C6: variants seen among roughly 807,000 people sequenced by gnomAD.
The protein encoded by C6 is complement component C6.
In C6, 101 loss-of-function variants were observed where a neutral mutation model predicts 112.9. The ratio of observed to expected loss-of-function variants is 0.89; its 90% CI spans 0.76 to 1.06. The LOEUF is 1.06. C6 is among the 50% of genes least tolerant of loss of function. The pLI, the probability that C6 is intolerant of heterozygous loss-of-function variation, is 0.00. For missense variants in C6, 1,202 were observed against 1,104.6 expected, an observed-to-expected ratio of 1.09 and a Z score of -1.25; for synonymous variants, 431 against 384.1, an observed-to-expected ratio of 1.12 and a Z score of -1.43.
chr5:41,245,481 A>AT (rs1347869390), intron 1 of C6, among the ~76,000 whole-genome samples: 2 of 145,048 alleles, frequency 1.4e-5, no homozygotes, highest in African/African-American at 5.2e-5. Flanking sequence ...AGATAGCACC[A>AT]TTGCACTCCA....
At chr5:41,155,703 T>C (rs2150249708) in intron 13 of C6, among the ~76,000 whole-genome samples, 1 of 151,686 alleles carries the variant, frequency 6.6e-6, no homozygotes, top group Non-Finnish European at 1.5e-5. Context: ...TACTTCAGCG[T>C]GGGCAACAGA....
At position 41,176,569 on chromosome 5, in the gene C6, G is replaced by T. The variant is rs1325518197; in HGVS notation, c.1074C>A (p.Phe358Leu). The T allele has an allele frequency of 6.2e-7, 1 of 1,613,868 alleles. No homozygotes were observed. Among genetic ancestry groups the T allele is most frequent in the Non-Finnish European group, 8.5e-7 (1 of 1,179,872 alleles). ...TGAAGTAATGAGTCCCAAAGTCATC[G>T]AATATTCGGCTGTACAAAGCAGAGT... Reference protein sequence around the residue: ...EYNSALYSRIFDDFGTHYFTS... With the variant: ...EYNSALYSRILDDFGTHYFTS... The change falls in exon 8 of 18, where the codon TTC (phenylalanine) becomes TTA (leucine). Residue 358 changes from phenylalanine (F) to leucine (L), a missense_variant. Phe to Leu is a conservative substitution (Grantham distance 22, BLOSUM62 0). Coordinates refer to ENST00000337836, the MANE Select transcript of C6 (RefSeq NM_000065.5).
chr5:41,195,281 G>A (rs571386248), intron 5 of C6, among the ~76,000 whole-genome samples: 14 of 151,736 alleles, frequency 9.2e-5, no homozygotes, highest in South Asian at 2.1e-4. Context: ...TGGCTTTATC[G>A]CTCATTATTT....
chr5:41,205,765 C>A (rs1561169484), intron 1 of C6, among the ~76,000 whole-genome samples: 1 of 152,318 alleles, frequency 6.6e-6, no homozygotes, highest in East Asian at 1.9e-4. Context: ...AGGAGGCCTG[C>A]CTGCCTCTGT....
intron 3 of C6, among the ~76,000 whole-genome samples, chr5:41,200,654 C>G (rs980334980): frequency 6.6e-6 from 1 of 152,140 alleles, no homozygotes; most frequent in Admixed American, 6.6e-5. Context: ...TTCTTCCCTG[C>G]TGTGTAAATG....
intron 17 of C6, among the ~76,000 whole-genome samples, chr5:41,145,513 G>C (rs139974506): frequency 6.6e-6 from 1 of 152,180 alleles, no homozygotes; most frequent in African/African-American, 2.4e-5. Flanking sequence ...CTGAGTCAGC[G>C]TGAGTATTAG....
chr5:41,199,626 G>T, intron 4 of C6, 142 bp downstream of exon 4: 1 of 850,974 alleles, frequency 1.2e-6, no homozygotes, highest in Non-Finnish European at 2.0e-6. Flanking sequence ...TTGGGAATTG[G>T]CAGCATAACA....
chr5:41,185,665 C>CT (rs776238471), intron 6 of C6, among the ~76,000 whole-genome samples: 1 of 151,906 alleles, frequency 6.6e-6, no homozygotes, highest in Non-Finnish European at 1.5e-5. Flanking sequence ...GAGCCTGGCA[C>CT]TTTAAAAAAA....
chr5:41,247,278 T>A (rs879256694), intron 1 of C6, among the ~76,000 whole-genome samples: 78 of 152,114 alleles, frequency 5.1e-4, no homozygotes, highest in Non-Finnish European at 6.6e-4. Context: ...TATGATCCTA[T>A]ATCTAGAAAA....
intron 1 of C6, among the ~76,000 whole-genome samples, chr5:41,220,748 G>A (rs967340479): frequency 6.6e-6 from 1 of 151,854 alleles, no homozygotes; most frequent in African/African-American, 2.4e-5. Flanking sequence ...AGATACAGGA[G>A]GTACACATGT....
At chr5:41,152,033 G>C (rs779184944) in intron 15 of C6, among the ~76,000 whole-genome samples, 1 of 151,884 alleles carries the variant, frequency 6.6e-6, no homozygotes, top group African/African-American at 2.4e-5. Context: ...AGGAAGGATG[G>C]AAGGAAGAAG....
At chr5:41,175,299 T>C (rs1032742822) in intron 8 of C6, among the ~76,000 whole-genome samples, 1 of 152,196 alleles carries the variant, frequency 6.6e-6, no homozygotes, top group African/African-American at 2.4e-5. Context: ...TGAATATATA[T>C]ACACACATAT....
At chr5:41,243,077 T>C (rs1330200650) in intron 1 of C6, among the ~76,000 whole-genome samples, 1 of 152,158 alleles carries the variant, frequency 6.6e-6, no homozygotes, top group Non-Finnish European at 1.5e-5. Flanking sequence ...TGAGTTCTAT[T>C]GTACAGCTTG....
intron 6 of C6, among the ~76,000 whole-genome samples, chr5:41,182,986 G>A (rs1459578145): frequency 6.6e-6 from 1 of 152,194 alleles, no homozygotes; most frequent in Non-Finnish European, 1.5e-5. Flanking sequence ...CCAGGCTTGT[G>A]TTATCAAGCT....
chr5:41,249,193 A>ACCCC (rs1394904840), intron 1 of C6, among the ~76,000 whole-genome samples: 1 of 152,130 alleles, frequency 6.6e-6, no homozygotes, highest in East Asian at 1.9e-4. Context: ...TGAAAAACTA[A>ACCCC]CTATTGGTAC....
chr5:41,203,827 C>T (rs574955133), intron 1 of C6: 1 of 160,986 alleles, frequency 6.2e-6, no homozygotes, highest in East Asian at 1.8e-4. Context: ...TAAAATGAGG[C>T]TCAAGGCAGT....
chr5:41,208,250 T>C (rs1040991616), intron 1 of C6, among the ~76,000 whole-genome samples: 4 of 152,148 alleles, frequency 2.6e-5, no homozygotes, highest in African/African-American at 9.7e-5. Context: ...TAGCACTAAA[T>C]GCCCACAAGA....
rs190011238 is a variant in C6, at chr5:41,176,774, G to A, written c.928-59C>T. 5 of 1,431,466 alleles carry A rather than the reference G, an allele frequency of 3.5e-6. No individual in the cohort carries two copies. The Admixed American group carries it at 7.2e-5, about 21-fold the overall frequency. The allele number at this position is 1,431,466 out of a possible 1,614,324, so 88.7% of individuals were successfully genotyped here. A position where few individuals can be genotyped will look rare whatever the true frequency, so the allele number is the denominator to read the frequency against. On this transcript the variant is annotated intron_variant, in intron 7 of 17. Coordinates refer to ENST00000337836, the MANE Select transcript of C6 (RefSeq NM_000065.5). ...AGGTAATGAAAGTTTGAAGTACCTA[G>A]CATTTAAATGTCATTGATTTATCAT...
In C6 at chr5:41,153,941, C is replaced by T; in HGVS notation, c.2159G>A (p.Arg720Lys). The T allele has an allele frequency of 6.2e-7, 1 of 1,613,748 alleles. No individual in the cohort carries two copies. Among genetic ancestry groups the T allele is most frequent in the Non-Finnish European group, 8.5e-7 (1 of 1,179,716 alleles). The change falls in exon 15 of 18, where the codon AGA (arginine) becomes AAA (lysine). Residue 720 changes from arginine (R) to lysine (K), a missense_variant. By Grantham distance (26) the Arg-to-Lys change is conservative. Coordinates refer to ENST00000337836, the MANE Select transcript of C6 (RefSeq NM_000065.5). ...AATGGATTCACCAATTCTATACAAT[C>T]TCTGAAATGGTGTAATTGTCAGGAC... ...QEVLTITPFQ[R>K]LYRIGESIEL...
Sources: gnomAD v4.1 joint callset for allele counts (sites outside exome capture counted in the v4.1 genomes callset) on GRCh38, gnomAD v4.1.1 for gene constraint, MANE v1.5 for transcripts, NCBI Gene and HGNC (gene_info 2026-07-23, HGNC 2026-07-21) for gene names.